Variants in KIF19 observed in about 807,000 individuals in gnomAD.
KIF19 encodes the protein kinesin family member 19.
KIF19 carries 98 observed loss-of-function variants against 106.6 expected under a neutral mutation model. The ratio of observed to expected loss-of-function variants is 0.92; its 90% CI spans 0.78 to 1.09. The LOEUF is 1.09. KIF19 is among the 50% of genes least tolerant of loss of function. The probability of loss-of-function intolerance (pLI) is 0.00; values close to 1 mark genes in which losing one functional copy is unlikely to be tolerated. For missense variants in KIF19, 1,373 were observed against 1,414.3 expected (o/e 0.97, Z 0.47); for synonymous variants, 516 against 584.2 (o/e 0.88, Z 1.68).
At chr17:74,340,433 G>C (rs2054334433) in intron 2 of KIF19, among the ~76,000 whole-genome samples, 1 of 152,220 alleles carries the variant, frequency 6.6e-6, no homozygotes, top group South Asian at 2.1e-4. Context: ...GGCAGGGGCA[G>C]AGTGGAGCAG....
chr17:74,350,896 C>T lies in KIF19; in HGVS notation c.1578C>T (p.Arg526=), dbSNP rs1449445366. 2.5e-6 allele frequency: 4 copies of T among 1,613,658 alleles called. No homozygotes were observed. The highest frequency in any genetic ancestry group is 1.1e-5 in the South Asian group (1 of 91,080). The change falls in exon 12 of 20, where the codon CGC becomes CGT. Residue 526 remains arginine, a synonymous_variant. Coordinates refer to ENST00000389916, the MANE Select transcript of KIF19 (RefSeq NM_153209.4). ...AALVDEQKQL[R]KQKLALEQRC... ...TGGTGGACGAGCAGAAGCAACTGCGCAAGCAGAAGGTGTCCAGGGTTTGGG... is the reference window on the plus strand; with the variant it reads ...TGGTGGACGAGCAGAAGCAACTGCGTAAGCAGAAGGTGTCCAGGGTTTGGG...
In KIF19 at chr17:74,354,394, C is replaced by T; in HGVS notation, c.2541C>T (p.Ser847=). Residue 847 remains serine (S), a synonymous_variant, in exon 18 of 20, where the codon TCC becomes TCT. Coordinates refer to ENST00000389916, the MANE Select transcript of KIF19 (RefSeq NM_153209.4). ...LQHAASEDNL[S]SSTGEAPSRA... is the part of the protein sequence containing the mutation. ...ATGCTGCCAGTGAGGACAACCTGTC[C>T]AGCAGCACGGGCGAGGCCCCGTCCC... 1.9e-6 allele frequency: 3 copies of T among 1,610,530 alleles called. No homozygotes were observed. The highest frequency in any genetic ancestry group is 2.5e-6 in the Non-Finnish European group (3 of 1,178,982).
intron 2 of KIF19, among the ~76,000 whole-genome samples, chr17:74,340,221 C>A (rs1384507839): frequency 6.6e-6 from 1 of 152,158 alleles, no homozygotes; most frequent in African/African-American, 2.4e-5. Context: ...GCTGCCCCTG[C>A]TCCTCTCATC....
At position 74,344,623 on chromosome 17, in the gene KIF19, C is replaced by T. The variant is rs993348641; in HGVS notation, c.583-138C>T. The T allele has an allele frequency of 1.6e-4, 157 of 969,016 alleles. 3 individuals carry two copies. The South Asian group carries it at 1.9e-3, about 12-fold the overall frequency. 60.0% of individuals were successfully genotyped at this position (969,016 alleles called of 1,614,324 possible). A position where few individuals can be genotyped will look rare whatever the true frequency, so the allele number is the denominator to read the frequency against. On this transcript the variant is annotated intron_variant, in intron 6 of 19. Coordinates refer to ENST00000389916, the MANE Select transcript of KIF19 (RefSeq NM_153209.4). ...GGCCCACGCCAGGCCTCTCAGCACA[C>T]GGAGCCCAGCCCACTCCAGCCTGCC...
At position 74,346,370 on chromosome 17, in the gene KIF19, C is replaced by A. The variant is rs1325358282; in HGVS notation, c.778-8C>A. On this transcript the variant is annotated splice_polypyrimidine_tract_variant and splice_region_variant and intron_variant, in intron 7 of 19. Transcript: ENST00000389916. The surrounding 1 kb of genome is among the most constrained non-coding windows in gnomAD (Gnocchi z 4.6). ...AGGCCACACGTGTGCCCTTTGCTCG[C>A]CCCCTAGACACAGAATCGTGGGCAG... is the stretch of plus-strand genomic sequence containing the variant. 1 of 1,568,026 alleles carries A rather than the reference C, an allele frequency of 6.4e-7. No individual in the cohort carries two copies. The highest frequency in any genetic ancestry group is 2.4e-5 in the East Asian group (1 of 41,166).
In KIF19 at chr17:74,326,282, G is replaced by C; in HGVS notation, c.-68G>C. The C allele has an allele frequency of 6.8e-7, 1 of 1,477,012 alleles. No individual in the cohort carries two copies. Among genetic ancestry groups the C allele is most frequent in the Admixed American group, 2.1e-5 (1 of 46,922 alleles). The allele number at this position is 1,477,012 out of a possible 1,614,324, so 91.5% of individuals were successfully genotyped here. ...AGCTAGCAGCTGGCGGACGCGACCC[G>C]GAGGCGGTGGGGGTGCGGCTGAGCC... On this transcript the variant is annotated 5_prime_UTR_variant, in exon 1 of 20. Coordinates refer to ENST00000389916, the MANE Select transcript of KIF19 (RefSeq NM_153209.4).
Position 74,354,461 on chromosome 17 carries a change from C to A in KIF19, c.2608C>A (p.Arg870Ser). 6.2e-7 allele frequency: 1 copy of A among 1,609,618 alleles called. No individual in the cohort carries two copies. The highest frequency in any genetic ancestry group is 8.5e-7 in the Non-Finnish European group (1 of 1,178,482). Residue 870 changes from arginine (R) to serine (S), a missense_variant, in exon 18 of 20, where the codon CGT becomes AGT. Physicochemically the swap from Arg to Ser is moderately radical, Grantham distance 110. This residue lies in a region of KIF19 where 1,020 missense variants were observed against 1,008.2 expected (regional missense o/e 1.01). Transcript: ENST00000389916. Reference protein sequence around the residue: ...HHGDGPRPWLRGQKKSLGKKR... With the variant: ...HHGDGPRPWLSGQKKSLGKKR... Reference sequence around the variant, plus strand: ...TGGGGACGGCCCCAGGCCCTGGCTGCGTGGCCAGAAGAAAAGCCTGGGCAA... The same window carrying A: ...TGGGGACGGCCCCAGGCCCTGGCTGAGTGGCCAGAAGAAAAGCCTGGGCAA...
intron 2 of KIF19, among the ~76,000 whole-genome samples, chr17:74,333,231 C>G (rs1381645501): frequency 2.0e-5 from 3 of 152,170 alleles, no homozygotes; most frequent in Non-Finnish European, 4.4e-5. Flanking sequence ...TTCTTTACCT[C>G]TCCCCGCTTA....
chr17:74,344,850 G>A lies in KIF19; in HGVS notation c.672G>A (p.Leu224=), dbSNP rs144743924. 4.3e-6 allele frequency: 7 copies of A among 1,612,732 alleles called. No individual in the cohort carries two copies. Among genetic ancestry groups the A allele is most frequent in the Non-Finnish European group, 5.9e-6 (7 of 1,179,838 alleles). The change falls in exon 7 of 20, where the codon CTG becomes CTA. Residue 224 remains leucine (L), a synonymous_variant. Coordinates refer to ENST00000389916, the MANE Select transcript of KIF19 (RefSeq NM_153209.4). ...NQTSSRSHAV[L]QVTVRQRSRV... is the part of the protein sequence containing the mutation. ...CGTCCTCCCGCTCCCACGCGGTACT[G>A]CAGGTGACCGTGCGCCAGCGCAGCC...
intron 2 of KIF19, among the ~76,000 whole-genome samples, chr17:74,339,012 C>G (rs980605158): frequency 1.3e-5 from 2 of 151,972 alleles, no homozygotes; most frequent in African/African-American, 4.8e-5. Flanking sequence ...ATGGGGCACC[C>G]CTATGACAGC....
At position 74,326,228 on chromosome 17, in the gene KIF19, G is replaced by C; in HGVS notation, c.-122G>C. On this transcript the variant is annotated 5_prime_UTR_variant, in exon 1 of 20. Transcript: ENST00000389916. ...GCCGCTGGCGCGTTGTTGGTTTCGG[G>C]TTGTCAGGCAGCGCGCGAGGCGGCG... The C allele has an allele frequency of 1.1e-6, 1 of 891,544 alleles. No individual in the cohort carries two copies. The highest frequency in any genetic ancestry group is 1.8e-5 in the South Asian group (1 of 55,844). The allele number at this position is 891,544 out of a possible 1,614,324, so 55.2% of individuals were successfully genotyped here.
chr17:74,345,999 G>A (rs901027284), intron 7 of KIF19, among the ~76,000 whole-genome samples: 5 of 152,230 alleles, frequency 3.3e-5, no homozygotes, highest in African/African-American at 4.8e-5. Flanking sequence ...ACATGTGCAC[G>A]CACTTTCCTC....
At chr17:74,340,555 G>GCACACACACACACACACACACACACA in intron 2 of KIF19, among the ~76,000 whole-genome samples, 9 of 148,302 alleles carry the variant, frequency 6.1e-5, no homozygotes, top group South Asian at 2.2e-4. Flanking sequence ...ATGCGCGCGC[G>GCACACACACACACACACACACACACA]TACACACACA....
intron 1 of KIF19, 100 bp from the exon 2 acceptor site, chr17:74,328,325 A>G: frequency 1.9e-6 from 2 of 1,064,068 alleles, no homozygotes; most frequent in Non-Finnish European, 2.8e-6. Flanking sequence ...GAGGCCTGAG[A>G]TGGCTGAATG....
At chr17:74,353,350 C>A in intron 16 of KIF19, 49 bp downstream of exon 16, 1 of 1,495,342 alleles carries the variant, frequency 6.7e-7, no homozygotes, top group Non-Finnish European at 9.1e-7. Flanking sequence ...GCAGCGGGTG[C>A]GGGACATGGG....
rs780681154 is a variant in KIF19 at position 74,344,911 on chromosome 17, C to A, written c.733C>A (p.Arg245Ser). 6.2e-7 allele frequency: 1 copy of A among 1,611,368 alleles called. No homozygotes were observed. Among genetic ancestry groups the A allele is most frequent in the Non-Finnish European group, 8.5e-7 (1 of 1,179,634 alleles). ...CATCTTGCAGGAGGTGCGGCAGGGC[C>A]GCCTGTTCATGATCGACCTGGCTGG... ...KNILQEVRQG[R>S]LFMIDLAGSE... The change falls in exon 7 of 20, where the codon CGC becomes AGC. Residue 245 changes from arginine (R) to serine (S), a missense_variant. Arg to Ser is a moderately radical substitution (Grantham distance 110). Transcript: ENST00000389916.
intron 19 of KIF19, 67 bp downstream of exon 19, chr17:74,355,008 A>G: frequency 6.4e-7 from 1 of 1,554,238 alleles, no homozygotes; most frequent in Non-Finnish European, 8.8e-7. Context: ...GAGAAGACAC[A>G]TTGCATTTCC....
intron 3 of KIF19, among the ~76,000 whole-genome samples, 178 bp from the exon 4 acceptor site, chr17:74,342,452 C>T (rs921232769): frequency 5.3e-5 from 8 of 152,148 alleles, no homozygotes; most frequent in Non-Finnish European, 8.8e-5. Flanking sequence ...TTCAGCCTGA[C>T]GTCCCCCACT....
intron 2 of KIF19, among the ~76,000 whole-genome samples, chr17:74,333,617 TC>T (rs1220025032): frequency 7.9e-5 from 12 of 152,244 alleles, no homozygotes; most frequent in Admixed American, 2.0e-4. Flanking sequence ...CGCCTTGGCC[TC>T]CCAAAGTGGT....
Sources: allele counts gnomAD v4.1 joint callset (sites outside exome capture counted in the v4.1 genomes callset), GRCh38; gene constraint gnomAD v4.1.1; regional missense constraint gnomAD v4.1.1; non-coding constraint Gnocchi (gnomAD v3.1); transcripts MANE v1.5; gene names NCBI Gene and HGNC (gene_info 2026-07-23, HGNC 2026-07-21).